PDE4D: variants seen among roughly 807,000 people sequenced by gnomAD.
PDE4D encodes the protein phosphodiesterase 4D.
Under a neutral mutation model 87.4 loss-of-function variants are expected in PDE4D, and 24 were observed. The ratio of observed to expected loss-of-function variants is 0.27; its 90% CI spans 0.20 to 0.39. PDE4D has a LOEUF of 0.39. Ranked by LOEUF, PDE4D falls within the 10% of genes least tolerant of loss-of-function variation. The pLI is 1.00. For synonymous variants in PDE4D, 384 were observed against 383.2 expected, an observed-to-expected ratio of 1.00 and a Z score of -0.02; for missense variants, 714 against 1,041.0, an observed-to-expected ratio of 0.69 and a Z score of 4.32.
rs190006369 is a variant in PDE4D, at chr5:60,332,672, T to C, written c.-89-146985A>G. The stretch of plus-strand genomic sequence containing the variant: ...GCCACAACCACATAATTGACCAAAA[T>C]ATATTCACTCAAATTTATAACAACA... On this transcript the variant is annotated intron_variant, in intron 1 of 16. Transcript: ENST00000502484. Among the ~76,000 whole-genome samples the C allele has an allele frequency of 4.4e-3, 665 of 152,290 alleles. 4 individuals are homozygous for C. The highest frequency in any genetic ancestry group is 0.016 in the African/African-American group (648 of 41,548).
intron 5 of PDE4D, among the ~76,000 whole-genome samples, chr5:59,161,268 T>C: frequency 6.6e-6 from 1 of 152,242 alleles, no homozygotes; most frequent in Middle Eastern, 3.2e-3. Context: ...AGGCTACAGC[T>C]TGTTTTTGTA....
intron 2 of PDE4D, chr5:59,988,736 A>G: frequency 7.0e-7 from 1 of 1,419,964 alleles, no homozygotes; most frequent in Admixed American, 1.7e-5. Context: ...ATAATTCAAG[A>G]AAGTACATAT....
intron 1 of PDE4D, among the ~76,000 whole-genome samples, chr5:59,555,994 A>G (rs1237297568): frequency 6.6e-6 from 1 of 152,152 alleles, no homozygotes; most frequent in South Asian, 2.1e-4. Flanking sequence ...TTTCACGTGA[A>G]TATCTAGCTC....
intron 1 of PDE4D, among the ~76,000 whole-genome samples, chr5:59,640,980 A>T (rs1005174389): frequency 2.4e-4 from 37 of 151,916 alleles, no homozygotes; most frequent in Non-Finnish European, 1.5e-4. Context: ...TTTATAGAAA[A>T]TTTTTCCCAT....
chr5:59,862,175 C>T (rs1221711745), intron 1 of PDE4D, among the ~76,000 whole-genome samples: 8 of 152,150 alleles, frequency 5.3e-5, no homozygotes, highest in Non-Finnish European at 8.8e-5. Flanking sequence ...AGGCTACATC[C>T]TATGCCATCA....
chr5:60,445,094 A>G (rs1451807727), intron 1 of PDE4D, among the ~76,000 whole-genome samples: 3 of 152,138 alleles, frequency 2.0e-5, no homozygotes, highest in African/African-American at 7.2e-5. Flanking sequence ...TTTTAGAACA[A>G]CAATTCAGCC....
At chr5:59,009,363 A>T (rs1752302926) in intron 6 of PDE4D, among the ~76,000 whole-genome samples, 1 of 152,170 alleles carries the variant, frequency 6.6e-6, no homozygotes. Flanking sequence ...TTGTGTCCAT[A>T]AAATGACATA....
chr5:60,145,874 T>C (rs1246542739), intron 2 of PDE4D, among the ~76,000 whole-genome samples: 1 of 152,236 alleles, frequency 6.6e-6, no homozygotes, highest in Non-Finnish European at 1.5e-5. Flanking sequence ...CCTTTGTTCA[T>C]AGGTATCTTG....
intron 1 of PDE4D, among the ~76,000 whole-genome samples, chr5:60,519,006 A>C (rs1473156779): frequency 6.6e-6 from 1 of 152,222 alleles, no homozygotes; most frequent in African/African-American, 2.4e-5. Flanking sequence ...AACGGGGCTA[A>C]CGTCAACCAA....
chr5:59,947,874 G>A (rs777664858), intron 3 of PDE4D, among the ~76,000 whole-genome samples: 1 of 152,096 alleles, frequency 6.6e-6, no homozygotes, highest in Non-Finnish European at 1.5e-5. Flanking sequence ...GAGCATGGTG[G>A]TGCACGCCTA....
At chr5:59,995,767 C>G (rs1163542822) in intron 2 of PDE4D, among the ~76,000 whole-genome samples, 1 of 152,198 alleles carries the variant, frequency 6.6e-6, no homozygotes, top group African/African-American at 2.4e-5. Flanking sequence ...ACTACTCACT[C>G]TGTTAGCCTG....
Position 59,893,392 on chromosome 5 carries a change from C to T in PDE4D, c.231G>A (p.Pro77=), listed in dbSNP as rs1228641370. Residue 77 remains proline, a synonymous_variant, in exon 1 of 15, where the codon CCG becomes CCA. Transcript: ENST00000340635. ...GCGGGGGCGGCGGCAGGGGGGGCGG[C>T]GGCGGCGGCTGTAGCGGACACTGGG... ...PQPQCPLQPP[P]PPPLPPPPPP... is the part of the protein sequence containing the mutation. The T allele has an allele frequency of 2.4e-6, 3 of 1,274,386 alleles. No individual in the cohort carries two copies. The highest frequency in any genetic ancestry group is 2.9e-5 in the South Asian group (1 of 34,086). 78.9% of individuals were successfully genotyped at this position (1,274,386 alleles called of 1,614,324 possible).
chr5:60,401,334 A>G (rs1159330292), intron 1 of PDE4D, among the ~76,000 whole-genome samples: 1 of 152,240 alleles, frequency 6.6e-6, no homozygotes, highest in Non-Finnish European at 1.5e-5. Context: ...TCTTGAATAT[A>G]TAACACACTT....
chr5:60,210,877 T>C (rs1008193056), intron 1 of PDE4D, among the ~76,000 whole-genome samples: 7 of 152,168 alleles, frequency 4.6e-5, no homozygotes, highest in Non-Finnish European at 8.8e-5. Flanking sequence ...TGCTTCTATT[T>C]CTAACAGCTG....
chr5:59,294,448 G>A (rs1444637713), intron 1 of PDE4D, among the ~76,000 whole-genome samples: 1 of 152,150 alleles, frequency 6.6e-6, no homozygotes, highest in Non-Finnish European at 1.5e-5. Context: ...GAAAGCTCAA[G>A]TTGAAGCACT....
At chr5:59,403,768 A>G (rs1791114343) in intron 1 of PDE4D, among the ~76,000 whole-genome samples, 1 of 152,150 alleles carries the variant, frequency 6.6e-6, no homozygotes, top group Non-Finnish European at 1.5e-5. Flanking sequence ...TACAATAAAT[A>G]TGGAAGTGCA....
rs1156467369 is a variant in PDE4D, at chr5:59,649,905, C to CTTTTTTTTTTTT, written c.455+243251_455+243262dup. Among the ~76,000 whole-genome samples, 61 of 72,442 alleles carry CTTTTTTTTTTTT rather than the reference C, an allele frequency of 8.4e-4. 8 individuals are homozygous for CTTTTTTTTTTTT. Among genetic ancestry groups the CTTTTTTTTTTTT allele is most frequent in the African/African-American group, 1.5e-3 (23 of 15,164 alleles). 47.5% of individuals were successfully genotyped at this position (72,442 alleles called of 152,430 possible). A position where few individuals can be genotyped will look rare whatever the true frequency, so the allele number is the denominator to read the frequency against. ...GTTAAAATGTTGATAGTTTGTGAAC[C>CTTTTTTTTTTTT]TTTTTTTTTTTTTTTTTTTTTTTTT... On this transcript the variant is annotated intron_variant, in intron 1 of 14. Coordinates refer to ENST00000340635, the MANE Select transcript of PDE4D (RefSeq NM_001104631.2).
chr5:59,628,224 G>C (rs1175997317), intron 1 of PDE4D, among the ~76,000 whole-genome samples: 1 of 152,114 alleles, frequency 6.6e-6, no homozygotes, highest in Admixed American at 6.5e-5. Context: ...GTACCATAAA[G>C]AAGAACAAAT....
At chr5:59,157,782 G>C (rs1485263329) in intron 5 of PDE4D, among the ~76,000 whole-genome samples, 1 of 152,164 alleles carries the variant, frequency 6.6e-6, no homozygotes, top group Non-Finnish European at 1.5e-5. Flanking sequence ...AGAAACAAAA[G>C]ACATGACTAC....
Sources: allele counts gnomAD v4.1 joint callset (sites outside exome capture counted in the v4.1 genomes callset), GRCh38; gene constraint gnomAD v4.1.1; transcripts MANE v1.5; gene names NCBI Gene and HGNC (gene_info 2026-07-23, HGNC 2026-07-21).